The following EP300 variants were observed in gnomAD, a reference collection of about 807,000 sequenced individuals.
The protein encoded by EP300 is histone acetyltransferase p300.
In EP300, 31 loss-of-function variants were observed where a neutral mutation model predicts 264.0. The ratio of observed to expected loss-of-function variants is 0.12; its 90% CI spans 0.09 to 0.16. The LOEUF (loss-of-function observed/expected upper bound fraction) is 0.16, where lower values mean the gene tolerates loss of function less well. Ranked by LOEUF, EP300 falls within the 10% of genes least tolerant of loss-of-function variation. The pLI is 1.00. For missense variants in EP300, 2,766 were observed against 3,052.9 expected (o/e 0.91, Z 2.21); for synonymous variants, 1,340 against 1,045.4 (o/e 1.28, Z -5.44).
rs377558053 is a variant in EP300, at chr22:41,158,659, G to A, written c.3590+159G>A. 3.7e-5 allele frequency: 24 copies of A among 655,666 alleles called. No individual in the cohort carries two copies. The African/African-American group carries it at 4.3e-4, about 12-fold the overall frequency. 40.6% of individuals were successfully genotyped at this position (655,666 alleles called of 1,614,324 possible). ...TTTTTGCCTTCTGCCTTTGTTTGCA[G>A]AACAATAAAATTTTCTATCAGAGTA... On this transcript the variant is annotated intron_variant, in intron 19 of 30. Coordinates refer to ENST00000263253, the MANE Select transcript of EP300 (RefSeq NM_001429.4).
Position 41,177,926 on chromosome 22 carries a change from G to C in EP300, c.6215G>C (p.Ser2072Thr), listed in dbSNP as rs1430512329. The C allele has an allele frequency of 6.2e-7, 1 of 1,614,188 alleles. No individual in the cohort carries two copies. Among genetic ancestry groups the C allele is most frequent in the East Asian group, 2.2e-5 (1 of 44,878 alleles). Reference sequence around the variant, plus strand: ...CCCCTGCAGCAGCAACAGGTGCTTAGTATCCTTCACGCCAACCCCCAGCTG... The same window carrying C: ...CCCCTGCAGCAGCAACAGGTGCTTACTATCCTTCACGCCAACCCCCAGCTG... Reference protein sequence around the residue: ...SSPLQQQQVLSILHANPQLLA... With the variant: ...SSPLQQQQVLTILHANPQLLA... Residue 2072 changes from serine to threonine, a missense_variant, in exon 31 of 31, where the codon AGT becomes ACT. By Grantham distance (58) the Ser-to-Thr change is moderately conservative (BLOSUM62 1). Transcript: ENST00000263253.
Position 41,179,119 on chromosome 22 carries a change from A to G in EP300, c.*163A>G, listed in dbSNP as rs2059223982. 2 of 733,336 alleles carry G rather than the reference A, an allele frequency of 2.7e-6. No homozygotes were observed. The highest frequency in any genetic ancestry group is 2.7e-5 in the East Asian group (1 of 37,258). The allele number at this position is 733,336 out of a possible 1,614,324, so 45.4% of individuals were successfully genotyped here. A position where few individuals can be genotyped will look rare whatever the true frequency, so the allele number is the denominator to read the frequency against. On this transcript the variant is annotated 3_prime_UTR_variant, in exon 31 of 31. Coordinates refer to ENST00000263253, the MANE Select transcript of EP300 (RefSeq NM_001429.4). ...GTTTGTGGTTTAAAGCAAACATGCA[A>G]GATGAACCTGAGGGATGATAGAATA...
chr22:41,147,812 T>C (rs775234603), intron 11 of EP300, 25 bp from the exon 12 acceptor site: 1 of 1,429,472 alleles, frequency 7.0e-7, no homozygotes, highest in South Asian at 1.1e-5. Context: ...GGCATTCAGA[T>C]CTAACATTTT....
Position 41,149,897 on chromosome 22 carries a change from C to A in EP300, c.2516C>A (p.Thr839Asn). 6.2e-7 allele frequency: 1 copy of A among 1,613,858 alleles called. No homozygotes were observed. Among genetic ancestry groups the A allele is most frequent in the Non-Finnish European group, 8.5e-7 (1 of 1,179,956 alleles). Residue 839 changes from threonine to asparagine, a missense_variant, in exon 14 of 31, where the codon ACC becomes AAC. Physicochemically the swap from Thr to Asn is moderately conservative, Grantham distance 65. Transcript: ENST00000263253. ...TCACCCTCGCCTGTACCTAGTCGTA[C>A]CCCCACCCCTCACCATACTCCCCCA... ...QNSPSPVPSR[T>N]PTPHHTPPSI... is the part of the protein sequence containing the mutation.
In EP300 at chr22:41,126,009, A is replaced by T. The variant is rs2145707999; in HGVS notation, c.875A>T (p.Lys292Met). Reference protein sequence around the residue: ...NNLSPFAMDKKAVPGGGMPNM... With the variant: ...NNLSPFAMDKMAVPGGGMPNM... ...TTATCTCCATTTGCTATGGACAAAA[A>T]GGCAGTTCCTGGTGGAGGAATGCCC... Residue 292 changes from lysine to methionine, a missense_variant, in exon 3 of 31, where the codon AAG becomes ATG. Transcript: ENST00000263253. The T allele has an allele frequency of 6.2e-7, 1 of 1,614,206 alleles. No individual in the cohort carries two copies. Among genetic ancestry groups the T allele is most frequent in the South Asian group, 1.1e-5 (1 of 91,084 alleles).
chr22:41,107,730 G>A (rs548250022), intron 1 of EP300, among the ~76,000 whole-genome samples: 37 of 152,182 alleles, frequency 2.4e-4, no homozygotes, highest in African/African-American at 8.4e-4. Context: ...TTTGGAGTTT[G>A]GCTTTTGTTG....
At chr22:41,134,456 A>G (rs2058938747) in intron 6 of EP300, among the ~76,000 whole-genome samples, 1 of 151,614 alleles carries the variant, frequency 6.6e-6, no homozygotes, top group Admixed American at 6.6e-5. Context: ...GGAGTGCAGT[A>G]GTGCGATCTT....
chr22:41,102,265 G>C (rs185970788), intron 1 of EP300, among the ~76,000 whole-genome samples: 1 of 152,038 alleles, frequency 6.6e-6, no homozygotes, highest in Non-Finnish European at 1.5e-5. Flanking sequence ...CACGGAGTCT[G>C]GTGTGATCAG....
intron 25 of EP300, 186 bp downstream of exon 25, chr22:41,169,053 A>C: frequency 1.3e-6 from 1 of 756,846 alleles, no homozygotes; most frequent in Non-Finnish European, 2.3e-6. Flanking sequence ...TAACCGCTCA[A>C]TACTGCTCTT....
At chr22:41,098,878 G>A (rs1238920587) in intron 1 of EP300, among the ~76,000 whole-genome samples, 2 of 151,974 alleles carry the variant, frequency 1.3e-5, no homozygotes, top group East Asian at 1.9e-4. Flanking sequence ...AGGTGGGTGC[G>A]CACCTTATAG....
At chr22:41,169,181 T>C in intron 25 of EP300, 1 of 546,108 alleles carries the variant, frequency 1.8e-6, no homozygotes, top group South Asian at 2.1e-5. Flanking sequence ...TGAAAATATA[T>C]CATACAAATC....
At chr22:41,168,297 G>A (rs1233485450) in intron 23 of EP300, 152 bp from the exon 24 acceptor site, 10 of 796,582 alleles carry the variant, frequency 1.3e-5, no homozygotes, top group Non-Finnish European at 2.1e-5. Context: ...ATGTAAATCT[G>A]CAAAGTAGTG....
chr22:41,110,664 AACGT>A (rs1254493986), intron 1 of EP300, among the ~76,000 whole-genome samples: 3 of 152,088 alleles, frequency 2.0e-5, no homozygotes, highest in African/African-American at 7.2e-5. Flanking sequence ...TCGGCCTTCC[AACGT>A]ACTAGGATTA....
chr22:41,148,805 A>T (rs369482026), intron 12 of EP300: 47 of 568,340 alleles, frequency 8.3e-5, no homozygotes, highest in African/African-American at 7.5e-4. Flanking sequence ...TCCTCTTACT[A>T]TTTCTTGGAG....
At chr22:41,144,749 A>G (rs950739981) in intron 10 of EP300, among the ~76,000 whole-genome samples, 4 of 152,218 alleles carry the variant, frequency 2.6e-5, no homozygotes, top group African/African-American at 9.6e-5. Context: ...TCATGGAGCA[A>G]TAATAGATAC....
chr22:41,108,363 C>T (rs2058770274), intron 1 of EP300, among the ~76,000 whole-genome samples: 1 of 149,622 alleles, frequency 6.7e-6, no homozygotes, highest in East Asian at 2.0e-4. Context: ...ATCCTCCCAT[C>T]TCAGCCTCCC....
In EP300 at chr22:41,178,232, C is replaced by G; in HGVS notation, c.6521C>G (p.Thr2174Ser). The change falls in exon 31 of 31, where the codon ACC becomes AGC. Residue 2174 changes from threonine to serine, a missense_variant. Transcript: ENST00000263253. The part of the protein sequence containing the change: ...QAQQMNMNHN[T>S]MPSQFRDILR... The stretch of plus-strand genomic sequence containing the variant: ...CAGCAGATGAACATGAACCACAACA[C>G]CATGCCTTCACAATTCCGAGACATC... 1 of 1,614,104 alleles carries G rather than the reference C, an allele frequency of 6.2e-7. No individual in the cohort carries two copies. Among genetic ancestry groups the G allele is most frequent in the South Asian group, 1.1e-5 (1 of 91,076 alleles).
chr22:41,133,157 C>A (rs1360628485), intron 6 of EP300, among the ~76,000 whole-genome samples: 5 of 119,640 alleles, frequency 4.2e-5, no homozygotes, highest in African/African-American at 6.4e-5. Flanking sequence ...GATTATCCCC[C>A]CCCCCACCCC....
intron 17 of EP300, among the ~76,000 whole-genome samples, chr22:41,156,478 T>A (rs989024060): frequency 6.6e-6 from 1 of 152,114 alleles, no homozygotes; most frequent in African/African-American, 2.4e-5. Flanking sequence ...CCCAACACTT[T>A]TGGAGGCCAA....
Sources: gnomAD v4.1 joint callset for allele counts (sites outside exome capture counted in the v4.1 genomes callset) on GRCh38, gnomAD v4.1.1 for gene constraint, MANE v1.5 for transcripts, NCBI Gene and HGNC (gene_info 2026-07-23, HGNC 2026-07-21) for gene names.